STK24: variants seen among roughly 807,000 people sequenced by gnomAD.
STK24 encodes the protein serine/threonine-protein kinase 24.
In STK24, 21 loss-of-function variants were observed where a neutral mutation model predicts 55.6. That is an observed-to-expected ratio of 0.38 (90% CI 0.27 to 0.54). STK24 has a LOEUF of 0.54. STK24 is among the 20% of genes least tolerant of loss of function. The probability of loss-of-function intolerance (pLI) is 0.79; values close to 1 mark genes in which losing one functional copy is unlikely to be tolerated. For missense variants in STK24, 383 were observed against 538.4 expected (o/e 0.71, Z 2.86); for synonymous variants, 200 against 215.2 (o/e 0.93, Z 0.62).
chr13:98,512,344 A>G (rs1462133211), intron 2 of STK24, among the ~76,000 whole-genome samples: 3 of 152,338 alleles, frequency 2.0e-5, no homozygotes, highest in South Asian at 2.1e-4. Context: ...GCAAAATATG[A>G]AAAACTCAAC....
At chr13:98,549,965 C>T (rs1334293280) in intron 1 of STK24, among the ~76,000 whole-genome samples, 2 of 152,204 alleles carry the variant, frequency 1.3e-5, no homozygotes, top group Non-Finnish European at 2.9e-5. Context: ...GGTGTAACCT[C>T]ACAGTTAGGT....
chr13:98,498,941 T>C (rs1895344729), intron 2 of STK24, among the ~76,000 whole-genome samples: 1 of 151,718 alleles, frequency 6.6e-6, no homozygotes. Context: ...GATTCCATCC[T>C]CAACGGTTCC....
chr13:98,493,989 C>T (rs557174338), intron 2 of STK24, among the ~76,000 whole-genome samples: 10 of 151,250 alleles, frequency 6.6e-5, no homozygotes, highest in African/African-American at 2.4e-4. Context: ...AATACAGGTG[C>T]CCGCCACCAT....
chr13:98,463,487 C>T (rs373695944), intron 7 of STK24, among the ~76,000 whole-genome samples: 14 of 152,224 alleles, frequency 9.2e-5, no homozygotes, highest in African/African-American at 3.4e-4. Context: ...CAAGAGTTCA[C>T]TCGCAGAAAC....
intron 1 of STK24, among the ~76,000 whole-genome samples, chr13:98,546,965 G>A (rs1468307270): frequency 1.3e-5 from 2 of 152,130 alleles, no homozygotes; most frequent in East Asian, 3.9e-4. Flanking sequence ...AGGATGGAGT[G>A]CAATGGCACC....
intron 1 of STK24, among the ~76,000 whole-genome samples, chr13:98,555,928 C>T (rs1402669845): frequency 3.3e-5 from 5 of 151,500 alleles, no homozygotes; most frequent in South Asian, 2.1e-4. Context: ...GTGATCCACC[C>T]GCCTCGGCCT....
At chr13:98,576,614 C>T in intron 1 of STK24, 131 bp downstream of exon 1, 2 of 673,916 alleles carry the variant, frequency 3.0e-6, no homozygotes, top group Non-Finnish European at 4.3e-6. Context: ...CCGGCCGAGC[C>T]GGGCGCGCGG....
At position 98,531,684 on chromosome 13, in the gene STK24, G is replaced by A. The variant is rs141860567; in HGVS notation, c.43-12211C>T. Among the ~76,000 whole-genome samples the A allele has an allele frequency of 6.6e-5, 10 of 152,276 alleles. No individual in the cohort carries two copies. In the East Asian group the frequency reaches 1.2e-3, roughly 18 times the overall value. On this transcript the variant is annotated intron_variant, in intron 1 of 10. Transcript: ENST00000539966. The stretch of plus-strand genomic sequence containing the variant: ...GACTCAGGACATCAGGGCTCCTCTT[G>A]AAGCCAAGGAACAAATTTGAATCCC...
chr13:98,451,702 A>G lies in STK24; in HGVS notation c.*1471T>C, dbSNP rs561606755. The G allele has an allele frequency of 1.3e-5, 2 of 152,300 alleles. No homozygotes were observed. The highest frequency in any genetic ancestry group is 4.1e-4 in the South Asian group (2 of 4,828). 9.4% of individuals were successfully genotyped at this position (152,300 alleles called of 1,614,324 possible). On this transcript the variant is annotated 3_prime_UTR_variant, in exon 11 of 11. Coordinates refer to ENST00000539966, the MANE Select transcript of STK24 (RefSeq NM_001032296.4). ...TAACTCCACAAGAACTGGCACACCCACGGGAGATGTCAATCATCAGCTTCA... is the reference window on the plus strand; with the variant it reads ...TAACTCCACAAGAACTGGCACACCCGCGGGAGATGTCAATCATCAGCTTCA...
intron 10 of STK24, chr13:98,456,419 C>A (rs1264283043): frequency 2.1e-6 from 1 of 472,192 alleles, no homozygotes; most frequent in Admixed American, 2.3e-5. Flanking sequence ...ACGCCTGGTC[C>A]TCCTGGGGGT....
At chr13:98,513,085 T>C (rs1005327148) in intron 2 of STK24, among the ~76,000 whole-genome samples, 1 of 152,222 alleles carries the variant, frequency 6.6e-6, no homozygotes, top group African/African-American at 2.4e-5. Flanking sequence ...TCCCAGGCGC[T>C]GTGTGAGCAT....
chr13:98,567,795 G>A (rs951442060), intron 1 of STK24, among the ~76,000 whole-genome samples: 9 of 152,012 alleles, frequency 5.9e-5, no homozygotes, highest in Non-Finnish European at 8.8e-5. Context: ...AGGTAGAGGG[G>A]TCACACAGAC....
chr13:98,548,819 A>G lies in STK24; in HGVS notation c.42+27926T>C, dbSNP rs7325349. Among the ~76,000 whole-genome samples, 990 of 142,624 alleles carry G rather than the reference A, an allele frequency of 6.9e-3. 12 individuals carry two copies. Among genetic ancestry groups the G allele is most frequent in the African/African-American group, 0.02 (746 of 37,542 alleles). 93.6% of individuals were successfully genotyped at this position (142,624 alleles called of 152,430 possible). ...GGAGGTTGCAGTGACCCAAGATCAT[A>G]CCACTGCACTCCAGCCCAGGCGACA... is the stretch of plus-strand genomic sequence containing the variant. On this transcript the variant is annotated intron_variant, in intron 1 of 10. Transcript: ENST00000539966.
chr13:98,463,561 A>T, intron 7 of STK24, 130 bp downstream of exon 7: 1 of 1,149,002 alleles, frequency 8.7e-7, no homozygotes, highest in Non-Finnish European at 1.2e-6. Flanking sequence ...CTAACACAAC[A>T]ATTGCCACCA....
chr13:98,486,028 G>T lies in STK24; in HGVS notation c.274-3707C>A, dbSNP rs571040242. 7.9e-5 allele frequency among the ~76,000 whole-genome samples: 12 copies of T among 152,260 alleles called. No homozygotes were observed. The South Asian group carries it at 2.3e-3, about 29-fold the overall frequency. ...GGACAGGAACACATGGACTCGGGGA[G>T]GGGAACATCACACACTGGGGCCTGT... is the stretch of plus-strand genomic sequence containing the variant. On this transcript the variant is annotated intron_variant, in intron 2 of 10. Coordinates refer to ENST00000539966, the MANE Select transcript of STK24 (RefSeq NM_001032296.4).
chr13:98,561,351 G>C (rs1201860315), intron 1 of STK24, among the ~76,000 whole-genome samples: 1 of 152,156 alleles, frequency 6.6e-6, no homozygotes. Context: ...GGGAGGCTGA[G>C]GCAGGCAGAT....
At chr13:98,478,611 A>T (rs1566357906) in intron 3 of STK24, among the ~76,000 whole-genome samples, 1 of 152,232 alleles carries the variant, frequency 6.6e-6, no homozygotes, top group Non-Finnish European at 1.5e-5. Flanking sequence ...ATCTTTTGTG[A>T]GACACTGTTT....
At chr13:98,565,773 G>A (rs1814875154) in intron 1 of STK24, among the ~76,000 whole-genome samples, 3 of 152,178 alleles carry the variant, frequency 2.0e-5, no homozygotes, top group South Asian at 4.1e-4. Context: ...CCCTAAGGAG[G>A]TGGGGCTCAG....
Position 98,452,999 on chromosome 13 carries a change from T to C in STK24, c.*174A>G. On this transcript the variant is annotated 3_prime_UTR_variant, in exon 11 of 11. Coordinates refer to ENST00000539966, the MANE Select transcript of STK24 (RefSeq NM_001032296.4). ...CCCCACCCATCTGAGAGACTTCATC[T>C]GGCTGCAGCACAGTGAAGACTGTGT... The C allele has an allele frequency of 1.8e-6, 1 of 561,516 alleles. No homozygotes were observed. The allele number at this position is 561,516 out of a possible 1,614,324, so 34.8% of individuals were successfully genotyped here. A position where few individuals can be genotyped will look rare whatever the true frequency, so the allele number is the denominator to read the frequency against.
Sources: allele counts gnomAD v4.1 joint callset (sites outside exome capture counted in the v4.1 genomes callset), GRCh38; gene constraint gnomAD v4.1.1; transcripts MANE v1.5; gene names NCBI Gene and HGNC (gene_info 2026-07-23, HGNC 2026-07-21).